The following ABCC8 variants were observed in gnomAD, a reference collection of about 807,000 sequenced individuals.
The protein encoded by ABCC8 is ATP-binding cassette sub-family C member 8.
In ABCC8, 137 loss-of-function variants were observed where a neutral mutation model predicts 188.0. The ratio of observed to expected loss-of-function variants is 0.73; its 90% confidence interval spans 0.63 to 0.84. The LOEUF (loss-of-function observed/expected upper bound fraction) is 0.84. Among genes scored for constraint, ABCC8 ranks in the 40% least tolerant of loss-of-function variants. The probability of loss-of-function intolerance (pLI) is 0.00; values close to 1 mark genes in which losing one functional copy is unlikely to be tolerated. For missense variants in ABCC8, 1,750 were observed against 2,072.7 expected (o/e 0.84, Z 3.02); for synonymous variants, 797 against 846.5 (o/e 0.94, Z 1.01).
At chr11:17,424,835 A>T (rs1955510738) in intron 16 of ABCC8, among the ~76,000 whole-genome samples, 1 of 152,148 alleles carries the variant, frequency 6.6e-6, no homozygotes, top group African/African-American at 2.4e-5. Flanking sequence ...TGCTCCACAC[A>T]CTGACTAGTA....
chr11:17,404,629 A>C lies in ABCC8; in HGVS notation c.3440T>G (p.Leu1147Arg), dbSNP rs1262517518. ...GACGGCCAGGGCTGAGACACAGAGCAGGGTGGAGCGGCTCAGGCACTCCAG... is the reference window on the plus strand; with the variant it reads ...GACGGCCAGGGCTGAGACACAGAGCCGGGTGGAGCGGCTCAGGCACTCCAG... ...STLECLSRST[L>R]LCVSALAVIS... The change falls in exon 28 of 39, where the codon CTG (leucine) becomes CGG (arginine). Residue 1147 changes from leucine to arginine, a missense_variant. Transcript: ENST00000389817. This position sits in a 1 kb window ranked among gnomAD's most constrained non-coding sequence, Gnocchi z 4.7. 4 of 1,613,398 alleles carry C rather than the reference A, an allele frequency of 2.5e-6. No individual in the cohort carries two copies. In the Admixed American group the frequency reaches 5.0e-5, roughly 20 times the overall value.
Position 17,463,660 on chromosome 11 carries a change from C to G in ABCC8, c.413-56G>C. 4 of 1,550,732 alleles carry G rather than the reference C, an allele frequency of 2.6e-6. 1 individual carries two copies. The highest frequency in any genetic ancestry group is 3.4e-4 in the Middle Eastern group (2 of 5,970). Reference sequence around the variant, plus strand: ...CGTGTGTGCATCATGTGTGTACACTCACATAATGTGTGCAAGTATGTGGCA... The same window carrying G: ...CGTGTGTGCATCATGTGTGTACACTGACATAATGTGTGCAAGTATGTGGCA... On this transcript the variant is annotated intron_variant, in intron 3 of 38. Transcript: ENST00000389817.
Position 17,404,499 on chromosome 11 carries a change from C to G in ABCC8, c.3557+13G>C, listed in dbSNP as rs373646701. ...GCAAAGCACCTCCCACCCCTCACCC[C>G]TGAGGCCATCACCTGGACGCCACCC... On this transcript the variant is annotated intron_variant, in intron 28 of 38. Coordinates refer to ENST00000389817, the MANE Select transcript of ABCC8 (RefSeq NM_000352.6). This position sits in a 1 kb window ranked among gnomAD's most constrained non-coding sequence, Gnocchi z 4.7. The G allele has an allele frequency of 1.6e-5, 25 of 1,612,874 alleles. No individual in the cohort carries two copies. The highest frequency in any genetic ancestry group is 2.2e-5 in the South Asian group (2 of 91,044).
intron 8 of ABCC8, among the ~76,000 whole-genome samples, chr11:17,446,633 A>G (rs1387567216): frequency 7.2e-5 from 11 of 152,140 alleles, no homozygotes; most frequent in Admixed American, 3.3e-4. Context: ...TGAGATCTCC[A>G]GGCCCTTTTG....
intron 18 of ABCC8, 52 bp downstream of exon 18, chr11:17,415,252 A>C: frequency 6.3e-7 from 1 of 1,584,080 alleles, no homozygotes; most frequent in Non-Finnish European, 8.6e-7. Context: ...TGGGCCTGAG[A>C]GCACCCTGGA....
At chr11:17,416,724 G>A (rs1955093516) in intron 17 of ABCC8, among the ~76,000 whole-genome samples, 1 of 152,174 alleles carries the variant, frequency 6.6e-6, no homozygotes, top group Admixed American at 6.5e-5. Flanking sequence ...CAGCCACAAA[G>A]CATTGCAATG....
At chr11:17,469,047 C>CTCCT (rs1848323837) in intron 3 of ABCC8, among the ~76,000 whole-genome samples, 1 of 218 alleles carries the variant, frequency 4.6e-3, no homozygotes, top group African/African-American at 0.025. Flanking sequence ...AAGCTTTCTT[C>CTCCT]TCCCTCCCTC....
chr11:17,396,010 T>C, intron 33 of ABCC8, 80 bp from the exon 34 acceptor site: 2 of 1,545,860 alleles, frequency 1.3e-6, no homozygotes, highest in Non-Finnish European at 1.7e-6. Flanking sequence ...TGGGTGTGTG[T>C]GCAGGTGTGG....
chr11:17,475,463 G>A (rs10741727), intron 1 of ABCC8, among the ~76,000 whole-genome samples: 150,551 of 152,272 alleles, frequency 0.99, 74,427 homozygotes, highest in Middle Eastern at 1. Flanking sequence ...GACTCAAGCA[G>A]TCTTCCTGTC....
intron 2 of ABCC8, among the ~76,000 whole-genome samples, chr11:17,473,725 C>G (rs1177760760): frequency 6.6e-6 from 1 of 152,212 alleles, no homozygotes; most frequent in South Asian, 2.1e-4. Flanking sequence ...CTCACCTAGA[C>G]TACTGCAGTC....
At chr11:17,402,791 G>A (rs1333414921) in intron 28 of ABCC8, 38 bp from the exon 29 acceptor site, 1 of 1,612,776 alleles carries the variant, frequency 6.2e-7, no homozygotes, top group East Asian at 2.2e-5. Flanking sequence ...TAAGAGGGCA[G>A]GCTCAGGGCT....
intron 5 of ABCC8, chr11:17,460,892 GC>G: frequency 2.2e-6 from 2 of 908,602 alleles, no homozygotes; most frequent in Non-Finnish European, 3.2e-6. Flanking sequence ...GGAAACTAAG[GC>G]CAGATGATTG....
chr11:17,426,587 T>A lies in ABCC8; in HGVS notation c.2222+462A>T, dbSNP rs1955591726. On this transcript the variant is annotated intron_variant, in intron 16 of 38. Coordinates refer to ENST00000389817, the MANE Select transcript of ABCC8 (RefSeq NM_000352.6). ...ACATCTGGATCTTCAGAACACCCAC[T>A]TATGGTGTGTAGGTCAGTGCAGCTC... Among the ~76,000 whole-genome samples, 3 of 152,168 alleles carry A rather than the reference T, an allele frequency of 2.0e-5. No individual in the cohort carries two copies. In the South Asian group the frequency reaches 6.2e-4, roughly 32 times the overall value.
chr11:17,412,759 A>G lies in ABCC8; in HGVS notation c.2476-13T>C. On this transcript the variant is annotated splice_polypyrimidine_tract_variant and intron_variant, in intron 20 of 38. Coordinates refer to ENST00000389817, the MANE Select transcript of ABCC8 (RefSeq NM_000352.6). ...ACAGGTTGATGCCCTGTCACCAAAG[A>G]GGAGGAACACATCATGCCCTCAGCC... The G allele has an allele frequency of 6.2e-7, 1 of 1,603,796 alleles. No individual in the cohort carries two copies. The highest frequency in any genetic ancestry group is 1.1e-5 in the South Asian group (1 of 88,856).
intron 17 of ABCC8, 53 bp downstream of exon 17, chr11:17,416,877 C>T (rs1327996761): frequency 6.2e-7 from 1 of 1,601,570 alleles, no homozygotes; most frequent in East Asian, 2.2e-5. Flanking sequence ...CCACCCCCAC[C>T]CTACCCCTTC....
At chr11:17,416,795 C>G (rs937756145) in intron 17 of ABCC8, 135 bp downstream of exon 17, 1 of 1,358,570 alleles carries the variant, frequency 7.4e-7, no homozygotes, top group Non-Finnish European at 1.0e-6. Flanking sequence ...CAGGCCTTAG[C>G]CCCATGTCTC....
chr11:17,393,929 T>C, intron 37 of ABCC8, 170 bp from the exon 38 acceptor site: 1 of 872,704 alleles, frequency 1.1e-6, no homozygotes. Flanking sequence ...GGGACTGGAC[T>C]CAGCCTGTTG....
intron 26 of ABCC8, among the ~76,000 whole-genome samples, chr11:17,405,899 C>CT (rs1954493494): frequency 6.6e-6 from 1 of 152,228 alleles, no homozygotes; most frequent in East Asian, 1.9e-4. Flanking sequence ...GCCCTGGGGA[C>CT]AGCCTGCCGG....
At chr11:17,394,539 G>C (rs1403600320) in intron 36 of ABCC8, 140 bp from the exon 37 acceptor site, 7 of 1,459,380 alleles carry the variant, frequency 4.8e-6, no homozygotes, top group Admixed American at 1.9e-5. Context: ...GCACAGGCGT[G>C]TGCAGGGCTG....
Sources: allele counts gnomAD v4.1 joint callset (sites outside exome capture counted in the v4.1 genomes callset), GRCh38; gene constraint gnomAD v4.1.1; non-coding constraint Gnocchi (gnomAD v3.1); transcripts MANE v1.5; gene names NCBI Gene and HGNC (gene_info 2026-07-23, HGNC 2026-07-21).